Variants in RFTN2 observed in about 807,000 individuals in gnomAD.
RFTN2 encodes the protein raftlin-2.
In RFTN2, 34 loss-of-function variants were observed where a neutral mutation model predicts 52.7. The observed-to-expected ratio is 0.64, with a 90% confidence interval of 0.49 to 0.86. The LOEUF is 0.86. RFTN2 is among the 40% of genes least tolerant of loss of function. The probability of loss-of-function intolerance (pLI) is 0.00; values close to 1 mark genes in which losing one functional copy is unlikely to be tolerated. For synonymous variants in RFTN2, 203 were observed against 217.7 expected, an observed-to-expected ratio of 0.93 and a Z score of 0.59; for missense variants, 536 against 600.1, an observed-to-expected ratio of 0.89 and a Z score of 1.12.
At chr2:197,600,030 T>G (rs947029421) in intron 7 of RFTN2, among the ~76,000 whole-genome samples, 2 of 152,026 alleles carry the variant, frequency 1.3e-5, no homozygotes, top group African/African-American at 4.8e-5. Context: ...GGCTTTTTTT[T>G]GTATTTTTAG....
chr2:197,622,259 G>A (rs1162664862), intron 5 of RFTN2, among the ~76,000 whole-genome samples: 1 of 152,178 alleles, frequency 6.6e-6, no homozygotes, highest in African/African-American at 2.4e-5. Flanking sequence ...ATCCAGCTAA[G>A]AGAATAGATA....
Position 197,572,255 on chromosome 2 carries a change from C to T in RFTN2, c.1259G>A (p.Gly420Asp), listed in dbSNP as rs2087331095. 1.2e-6 allele frequency: 2 copies of T among 1,614,052 alleles called. No homozygotes were observed. The highest frequency in any genetic ancestry group is 1.7e-6 in the Non-Finnish European group (2 of 1,179,858). ...ACTAGTGGCTTTATTCTTGTCTTCA[C>T]CTTTTATGTGGCGGCTGGCTTTCTT... is the stretch of plus-strand genomic sequence containing the variant. ...PDKKASRHIKGEDKNKATSRS... is the reference protein window; with the variant it reads ...PDKKASRHIKDEDKNKATSRS... Residue 420 changes from glycine to aspartate, a missense_variant, in exon 9 of 9, where the codon GGT becomes GAT. By Grantham distance (94) the Gly-to-Asp change is moderately conservative. Coordinates refer to ENST00000295049, the MANE Select transcript of RFTN2 (RefSeq NM_144629.3).
chr2:197,675,224 G>T, intron 1 of RFTN2, 96 bp downstream of exon 1: 1 of 916,944 alleles, frequency 1.1e-6, no homozygotes, highest in Middle Eastern at 3.3e-4. Context: ...ATCTCATTAT[G>T]AAGAACAGTT....
At chr2:197,619,601 A>G (rs1300303447) in intron 5 of RFTN2, among the ~76,000 whole-genome samples, 3 of 148,936 alleles carry the variant, frequency 2.0e-5, no homozygotes, top group South Asian at 2.1e-4. Flanking sequence ...GGACACAAAC[A>G]CTGCGGAAGG....
chr2:197,661,803 C>G (rs1156471423), intron 1 of RFTN2, among the ~76,000 whole-genome samples: 1 of 152,118 alleles, frequency 6.6e-6, no homozygotes, highest in Non-Finnish European at 1.5e-5. Context: ...TCCACAGGAT[C>G]TCTTTTTGTC....
chr2:197,625,537 C>T (rs1003111306), intron 5 of RFTN2, among the ~76,000 whole-genome samples: 2 of 152,034 alleles, frequency 1.3e-5, no homozygotes, highest in African/African-American at 4.8e-5. Flanking sequence ...TTAGCCTATC[C>T]ACTTCTTTCC....
intron 8 of RFTN2, among the ~76,000 whole-genome samples, chr2:197,589,707 T>C (rs1311759453): frequency 1.3e-5 from 2 of 152,200 alleles, no homozygotes; most frequent in Non-Finnish European, 2.9e-5. Flanking sequence ...CTGGGTTCTT[T>C]TCTTACTCTT....
intron 7 of RFTN2, among the ~76,000 whole-genome samples, chr2:197,597,037 C>T (rs2087802997): frequency 2.0e-5 from 3 of 152,164 alleles, no homozygotes; most frequent in Non-Finnish European, 1.5e-5. Flanking sequence ...CAAAACCTTA[C>T]TATTAGCTGC....
intron 7 of RFTN2, among the ~76,000 whole-genome samples, chr2:197,601,855 G>A (rs550892641): frequency 4.6e-5 from 7 of 152,258 alleles, no homozygotes; most frequent in African/African-American, 1.7e-4. Context: ...TGATGTTAGT[G>A]TGGCAAACGG....
intron 8 of RFTN2, among the ~76,000 whole-genome samples, chr2:197,576,957 A>C (rs1389541230): frequency 6.6e-6 from 1 of 152,232 alleles, no homozygotes; most frequent in African/African-American, 2.4e-5. Flanking sequence ...CTCCCATTCT[A>C]TTCAAATTTA....
chr2:197,570,425 T>C lies in RFTN2; in HGVS notation c.*1583A>G, dbSNP rs1365425720. On this transcript the variant is annotated 3_prime_UTR_variant, in exon 9 of 9. Coordinates refer to ENST00000295049, the MANE Select transcript of RFTN2 (RefSeq NM_144629.3). ...TAACATGTAATACATATCTGTTATA[T>C]GTATAAAACATATTATATGAAGGCC... 3 of 152,202 alleles carry C rather than the reference T, an allele frequency of 2.0e-5. No individual in the cohort carries two copies. The highest frequency in any genetic ancestry group is 7.2e-5 in the African/African-American group (3 of 41,456). The allele number at this position is 152,202 out of a possible 1,614,324, so 9.4% of individuals were successfully genotyped here.
At chr2:197,622,654 C>T (rs1407670941) in intron 5 of RFTN2, among the ~76,000 whole-genome samples, 5 of 152,292 alleles carry the variant, frequency 3.3e-5, no homozygotes, top group South Asian at 2.1e-4. Flanking sequence ...CAGTGGAAGA[C>T]GTCATCCAGG....
intron 7 of RFTN2, among the ~76,000 whole-genome samples, chr2:197,615,329 G>T (rs551685409): frequency 6.6e-6 from 1 of 152,330 alleles, no homozygotes; most frequent in South Asian, 2.1e-4. Context: ...GCCAAAGCGG[G>T]CAGAGGACAC....
chr2:197,596,088 G>C lies in RFTN2; in HGVS notation c.1155-19C>G, dbSNP rs2087791250. On this transcript the variant is annotated intron_variant, in intron 7 of 8. Transcript: ENST00000295049. ...CCCTTCACTGCAAATTAAAACAATA[G>C]TATTAGTATTTGTGAGTTAGTAATT... 1 of 1,497,724 alleles carries C rather than the reference G, an allele frequency of 6.7e-7. No individual in the cohort carries two copies. The highest frequency in any genetic ancestry group is 9.3e-7 in the Non-Finnish European group (1 of 1,076,068). 92.8% of individuals were successfully genotyped at this position (1,497,724 alleles called of 1,614,324 possible).
At chr2:197,600,263 C>T (rs981975178) in intron 7 of RFTN2, among the ~76,000 whole-genome samples, 1 of 152,122 alleles carries the variant, frequency 6.6e-6, no homozygotes, top group Non-Finnish European at 1.5e-5. Flanking sequence ...AAACAGCAAA[C>T]ATGGAGATGG....
At chr2:197,646,232 G>A (rs1009982785) in intron 2 of RFTN2, among the ~76,000 whole-genome samples, 2 of 152,110 alleles carry the variant, frequency 1.3e-5, no homozygotes, top group Admixed American at 6.5e-5. Context: ...AATCTATTTT[G>A]CTTTCCCTTT....
intron 4 of RFTN2, among the ~76,000 whole-genome samples, chr2:197,632,730 T>G (rs2106233888): frequency 6.6e-6 from 1 of 152,250 alleles, no homozygotes; most frequent in African/African-American, 2.4e-5. Context: ...TGGTAAATGC[T>G]CCCAGTTATT....
chr2:197,641,575 A>C (rs1559361187), intron 3 of RFTN2, among the ~76,000 whole-genome samples: 1 of 152,198 alleles, frequency 6.6e-6, no homozygotes, highest in African/African-American at 2.4e-5. Flanking sequence ...TAACAAATAA[A>C]GTATTAATTT....
intron 8 of RFTN2, chr2:197,587,991 C>A: frequency 2.1e-6 from 1 of 470,852 alleles, no homozygotes; most frequent in Non-Finnish European, 4.4e-6. Flanking sequence ...AAGTCTCTTA[C>A]CTTATTCTTT....
Sources: gnomAD v4.1 joint callset for allele counts (sites outside exome capture counted in the v4.1 genomes callset) on GRCh38, gnomAD v4.1.1 for gene constraint, MANE v1.5 for transcripts, NCBI Gene and HGNC (gene_info 2026-07-23, HGNC 2026-07-21) for gene names.